PRKD1: variants seen among roughly 807,000 people sequenced by gnomAD.
The protein encoded by PRKD1 is serine/threonine-protein kinase D1.
In PRKD1, 63 loss-of-function variants were observed where a neutral mutation model predicts 95.9. The observed-to-expected ratio is 0.66, with a 90% confidence interval of 0.54 to 0.81. The LOEUF is 0.81. PRKD1 is among the 30% of genes least tolerant of loss of function. PRKD1 has a pLI of 0.00. For synonymous variants in PRKD1, 425 were observed against 423.1 expected (o/e 1.00, Z -0.05); for missense variants, 1,048 against 1,165.3 (o/e 0.90, Z 1.47).
rs950674955 is a variant in PRKD1 at position 29,864,946 on chromosome 14, C to A, written c.264+62303G>T. 3.3e-5 allele frequency among the ~76,000 whole-genome samples: 5 copies of A among 152,232 alleles called. No homozygotes were observed. The East Asian group carries it at 5.8e-4, about 18-fold the overall frequency. ...CAAATAATTGTATCAGGTTTTCCCC[C>A]CAAATAGCTGTTCTTTAATGAACAG... On this transcript the variant is annotated intron_variant, in intron 1 of 17. Coordinates refer to ENST00000331968, the MANE Select transcript of PRKD1 (RefSeq NM_002742.3).
intron 4 of PRKD1, among the ~76,000 whole-genome samples, chr14:29,646,307 C>T (rs1182821588): frequency 1.3e-5 from 2 of 151,904 alleles, no homozygotes; most frequent in South Asian, 2.1e-4. Context: ...GTGAATAAGA[C>T]CAAGTATTTG....
chr14:29,821,448 G>A lies in PRKD1; in HGVS notation c.265-95774C>T, dbSNP rs576649292. Among the ~76,000 whole-genome samples the A allele has an allele frequency of 2.1e-4, 32 of 152,156 alleles. No individual in the cohort carries two copies. The South Asian group carries it at 6.6e-3, about 32-fold the overall frequency. On this transcript the variant is annotated intron_variant, in intron 1 of 17. Transcript: ENST00000331968. ...GGCACTGGATGCTTTGCTAGATCCT[G>A]ACTATGATATTAGCCTGTTTTCTGT...
intron 16 of PRKD1, among the ~76,000 whole-genome samples, chr14:29,592,425 C>T (rs771722130): frequency 2.0e-5 from 3 of 152,084 alleles, no homozygotes; most frequent in Non-Finnish European, 4.4e-5. Flanking sequence ...TGTATGTACT[C>T]TGTTACATAT....
intron 1 of PRKD1, among the ~76,000 whole-genome samples, chr14:29,785,322 G>T (rs1402737284): frequency 6.6e-6 from 1 of 151,992 alleles, no homozygotes; most frequent in Non-Finnish European, 1.5e-5. Flanking sequence ...ATTTATTTTT[G>T]TAGCTATTGT....
intron 1 of PRKD1, among the ~76,000 whole-genome samples, chr14:29,905,269 G>T (rs1340203345): frequency 6.6e-6 from 1 of 152,060 alleles, no homozygotes; most frequent in Non-Finnish European, 1.5e-5. Context: ...TCATCAAGAG[G>T]GCCGGAACCT....
chr14:29,800,346 G>C (rs1015393136), intron 1 of PRKD1, among the ~76,000 whole-genome samples: 6 of 152,166 alleles, frequency 3.9e-5, no homozygotes, highest in African/African-American at 1.4e-4. Context: ...GTAGAGGCGT[G>C]CTTGCATTTG....
At chr14:29,609,706 A>C (rs1878306180) in intron 13 of PRKD1, among the ~76,000 whole-genome samples, 1 of 37,116 alleles carries the variant, frequency 2.7e-5, no homozygotes, top group Non-Finnish European at 6.2e-5. Flanking sequence ...ACGCCCAGCT[A>C]TTTCTTTATT....
chr14:29,616,677 C>G (rs138730714), intron 13 of PRKD1, among the ~76,000 whole-genome samples: 2 of 152,282 alleles, frequency 1.3e-5, no homozygotes, highest in Admixed American at 6.5e-5. Flanking sequence ...ACGGGTCTTA[C>G]TGGACTAAAA....
chr14:29,915,804 C>T (rs1594625149), intron 1 of PRKD1, among the ~76,000 whole-genome samples: 1 of 152,182 alleles, frequency 6.6e-6, no homozygotes, highest in Non-Finnish European at 1.5e-5. Context: ...TCTGATAATT[C>T]CAAACTCTTC....
At chr14:29,622,739 T>C (rs998973013) in intron 13 of PRKD1, among the ~76,000 whole-genome samples, 1 of 152,144 alleles carries the variant, frequency 6.6e-6, no homozygotes, top group Non-Finnish European at 1.5e-5. Flanking sequence ...CAGTAGCTGA[T>C]ACTGTGTTGA....
chr14:29,782,587 G>A (rs751051944), intron 1 of PRKD1, among the ~76,000 whole-genome samples: 8 of 152,002 alleles, frequency 5.3e-5, no homozygotes, highest in Admixed American at 2.6e-4. Flanking sequence ...GCTAGATGCG[G>A]TGGTGCTATC....
intron 16 of PRKD1, among the ~76,000 whole-genome samples, chr14:29,588,045 A>G (rs891159973): frequency 1.1e-4 from 17 of 152,078 alleles, no homozygotes; most frequent in African/African-American, 4.1e-4. Context: ...TTGACAAATC[A>G]ATCTATTCAT....
intron 4 of PRKD1, among the ~76,000 whole-genome samples, chr14:29,661,834 C>T (rs951288549): frequency 5.3e-5 from 8 of 152,190 alleles, no homozygotes; most frequent in Non-Finnish European, 8.8e-5. Flanking sequence ...TATTTTCTCA[C>T]TTAATAAATA....
intron 1 of PRKD1, 101 bp downstream of exon 1, chr14:29,927,148 C>T: frequency 8.1e-7 from 1 of 1,232,182 alleles, no homozygotes; most frequent in Non-Finnish European, 1.0e-6. Context: ...TGGCGGCCAG[C>T]CGAGCCCCGG....
chr14:29,712,896 A>G (rs1166140775), intron 2 of PRKD1, among the ~76,000 whole-genome samples: 1 of 152,166 alleles, frequency 6.6e-6, no homozygotes, highest in Non-Finnish European at 1.5e-5. Context: ...ATGGAACAAA[A>G]GGAATATCTG....
chr14:29,908,769 A>C lies in PRKD1; in HGVS notation c.264+18480T>G, dbSNP rs971215476. On this transcript the variant is annotated intron_variant, in intron 1 of 17. Coordinates refer to ENST00000331968, the MANE Select transcript of PRKD1 (RefSeq NM_002742.3). ...GTGTCATGAGTGTTCTTTCATTTCC[A>C]GAGGAAGATATCGAGTAAGAACAAT... Among the ~76,000 whole-genome samples, 4 of 152,328 alleles carry C rather than the reference A, an allele frequency of 2.6e-5. No homozygotes were observed. In the East Asian group the frequency reaches 7.7e-4, roughly 29 times the overall value.
intron 16 of PRKD1, chr14:29,594,108 A>G (rs1893218913): frequency 2.2e-6 from 1 of 455,232 alleles, no homozygotes; most frequent in South Asian, 1.6e-5. Context: ...GTGAGGATCA[A>G]GCAGTGCAAT....
At chr14:29,874,249 A>G (rs994273679) in intron 1 of PRKD1, among the ~76,000 whole-genome samples, 3 of 152,214 alleles carry the variant, frequency 2.0e-5, no homozygotes, top group Non-Finnish European at 4.4e-5. Context: ...ACTAAGCATC[A>G]GGGAAATGCA....
chr14:29,635,794 A>G (rs1880326810), intron 7 of PRKD1, among the ~76,000 whole-genome samples: 1 of 152,166 alleles, frequency 6.6e-6, no homozygotes, highest in Non-Finnish European at 1.5e-5. Flanking sequence ...CCTGATATAA[A>G]AAGTGGGGAT....
Sources: allele counts gnomAD v4.1 joint callset (sites outside exome capture counted in the v4.1 genomes callset), GRCh38; gene constraint gnomAD v4.1.1; transcripts MANE v1.5; gene names NCBI Gene and HGNC (gene_info 2026-07-23, HGNC 2026-07-21).